SLC5A5: variants seen among roughly 807,000 people sequenced by gnomAD.
The protein encoded by SLC5A5 is sodium/iodide cotransporter.
In SLC5A5, 56 loss-of-function variants were observed where a neutral mutation model predicts 68.6. The ratio of observed to expected loss-of-function variants is 0.82; its 90% CI spans 0.66 to 1.02. The LOEUF is 1.02. SLC5A5 is among the 50% of genes least tolerant of loss of function. The pLI is 0.00. For synonymous variants in SLC5A5, 398 were observed against 373.0 expected, an observed-to-expected ratio of 1.07 and a Z score of -0.77; for missense variants, 807 against 859.8, an observed-to-expected ratio of 0.94 and a Z score of 0.77.
chr19:17,877,632 C>A, intron 5 of SLC5A5, 91 bp from the exon 6 acceptor site: 1 of 1,519,898 alleles, frequency 6.6e-7, no homozygotes. Context: ...CAAATGTCCC[C>A]TATAAGGTCC....
At chr19:17,892,691 A>AGAGAGC (rs1555755264) in intron 14 of SLC5A5, among the ~76,000 whole-genome samples, 29 of 150,106 alleles carry the variant, frequency 1.9e-4, no homozygotes, top group African/African-American at 6.0e-4. Flanking sequence ...AGAGAGAGAG[A>AGAGAGC]GAGAGAGCAA....
intron 7 of SLC5A5, among the ~76,000 whole-genome samples, chr19:17,880,171 G>T (rs1379181309): frequency 6.6e-6 from 1 of 151,404 alleles, no homozygotes; most frequent in Non-Finnish European, 1.5e-5. Context: ...AATGTGCTGG[G>T]ATTACAGGCA....
At chr19:17,876,963 G>A (rs140758261) in intron 5 of SLC5A5, among the ~76,000 whole-genome samples, 3,564 of 151,016 alleles carry the variant, frequency 0.024, 157 homozygotes, top group East Asian at 0.21. Context: ...CCCAGGAGGC[G>A]GAGGCTGCGG....
intron 1 of SLC5A5, among the ~76,000 whole-genome samples, chr19:17,873,619 G>C (rs1356747963): frequency 6.6e-6 from 1 of 152,100 alleles, no homozygotes; most frequent in Non-Finnish European, 1.5e-5. Context: ...AGCCGGGCAT[G>C]GTCGCGCGCG....
At position 17,883,710 on chromosome 19, in the gene SLC5A5, C is replaced by CG; in HGVS notation, c.1274dup (p.Leu427ProfsTer76). 1 of 1,607,620 alleles carries CG rather than the reference C, an allele frequency of 6.2e-7. No individual in the cohort carries two copies. Among genetic ancestry groups the CG allele is most frequent in the Non-Finnish European group, 8.5e-7 (1 of 1,176,640 alleles). ...CCTTCACCGTCATGGGAGTCATCAG[C>CG]GGCCCCCTGCTGGGAGCCTTCATCT... On this transcript the variant is annotated frameshift_variant, in exon 11 of 15. Coordinates refer to ENST00000222248, the MANE Select transcript of SLC5A5 (RefSeq NM_000453.3).
At position 17,892,695 on chromosome 19, in the gene SLC5A5, A is replaced by AGAGAGAGAGAGAGC. The variant is rs528009112; in HGVS notation, c.1768-1015_1768-1014insAGAGAGAGAGCGAG. Among the ~76,000 whole-genome samples the AGAGAGAGAGAGAGC allele has an allele frequency of 7.3e-4, 109 of 148,678 alleles. 3 individuals carry two copies. The East Asian group carries it at 0.014, about 20-fold the overall frequency. ...GAGAGAGAGAGAGAGAGAGAGAGAGAGAGCAAGCTAAAAAGAAAAACGTGT... is the reference window on the plus strand; with the variant it reads ...GAGAGAGAGAGAGAGAGAGAGAGAGAGAGAGAGAGAGAGCGAGCAAGCTAAAAAGAAAAACGTGT... On this transcript the variant is annotated intron_variant, in intron 14 of 14. Transcript: ENST00000222248.
rs1304830849 is a variant in SLC5A5, at chr19:17,876,036, G to T, written c.628G>T (p.Val210Phe). Reference protein sequence around the residue: ...SGFWVVLARGVMLVGGPRQVL... With the variant: ...SGFWVVLARGFMLVGGPRQVL... ...CTTCTGGGTTGTCCTGGCACGCGGTGTCATGCTTGTGGGCGGGCCCCGCCA... is the reference window on the plus strand; with the variant it reads ...CTTCTGGGTTGTCCTGGCACGCGGTTTCATGCTTGTGGGCGGGCCCCGCCA... The change falls in exon 5 of 15, where the codon GTC becomes TTC. Residue 210 changes from valine to phenylalanine, a missense_variant. By Grantham distance (50) the Val-to-Phe change is conservative. Transcript: ENST00000222248. The T allele has an allele frequency of 6.2e-7, 1 of 1,614,206 alleles. No homozygotes were observed. The highest frequency in any genetic ancestry group is 8.5e-7 in the Non-Finnish European group (1 of 1,180,048).
intron 2 of SLC5A5, 26 bp downstream of exon 2, chr19:17,874,229 G>T: frequency 6.5e-7 from 1 of 1,547,696 alleles, no homozygotes; most frequent in Non-Finnish European, 8.9e-7. Context: ...CCCGCCCTCC[G>T]CTCAGGGCCC....
At chr19:17,893,116 T>C (rs1168461105) in intron 14 of SLC5A5, among the ~76,000 whole-genome samples, 4 of 150,970 alleles carry the variant, frequency 2.6e-5, no homozygotes, top group South Asian at 2.1e-4. Flanking sequence ...TTTTCCTTTT[T>C]TTGAGATAGG....
intron 1 of SLC5A5, among the ~76,000 whole-genome samples, chr19:17,873,274 A>C (rs1220853670): frequency 6.6e-6 from 1 of 152,052 alleles, no homozygotes; most frequent in African/African-American, 2.4e-5. Flanking sequence ...CAGCCTGGCC[A>C]ACATGGCGAA....
At position 17,877,714 on chromosome 19, in the gene SLC5A5, C is replaced by T; in HGVS notation, c.699-9C>T. 6.2e-7 allele frequency: 1 copy of T among 1,613,972 alleles called. No individual in the cohort carries two copies. Among genetic ancestry groups the T allele is most frequent in the Non-Finnish European group, 8.5e-7 (1 of 1,180,010 alleles). On this transcript the variant is annotated splice_polypyrimidine_tract_variant and intron_variant, in intron 5 of 14. Transcript: ENST00000222248. ...CTCCACGTGGCTAACTTGCCCTGTC[C>T]CCACCCAGCTTTAACCCTGACCCGA...
chr19:17,893,676 G>A, intron 14 of SLC5A5, 37 bp from the exon 15 acceptor site: 2 of 1,607,458 alleles, frequency 1.2e-6, no homozygotes, highest in Non-Finnish European at 1.7e-6. Context: ...TGGGGACAGG[G>A]TCTCTGATGG....
In SLC5A5 at chr19:17,894,925, A is replaced by G. The variant is rs2030353436; in HGVS notation, c.*1048A>G. ...ATGAATCCAGTGACTGGTTCCTCATATGAAGTAGAGAAGAGATGCAGAGAA... is the reference window on the plus strand; with the variant it reads ...ATGAATCCAGTGACTGGTTCCTCATGTGAAGTAGAGAAGAGATGCAGAGAA... On this transcript the variant is annotated 3_prime_UTR_variant, in exon 15 of 15. Coordinates refer to ENST00000222248, the MANE Select transcript of SLC5A5 (RefSeq NM_000453.3). 6.6e-6 allele frequency: 1 copy of G among 152,236 alleles called. No homozygotes were observed. Among genetic ancestry groups the G allele is most frequent in the Non-Finnish European group, 1.5e-5 (1 of 68,076 alleles). 9.4% of individuals were successfully genotyped at this position (152,236 alleles called of 1,614,324 possible).
At chr19:17,888,269 A>T in intron 12 of SLC5A5, 62 bp from the exon 13 acceptor site, 1 of 1,605,608 alleles carries the variant, frequency 6.2e-7, no homozygotes, top group Non-Finnish European at 8.5e-7. Flanking sequence ...AGGTTGGAAC[A>T]GCTTTTGAGT....
At chr19:17,879,602 C>T (rs931765242) in intron 7 of SLC5A5, among the ~76,000 whole-genome samples, 1 of 152,194 alleles carries the variant, frequency 6.6e-6, no homozygotes, top group Non-Finnish European at 1.5e-5. Flanking sequence ...GCCTAGGTCA[C>T]ACCCCAAGTA....
At position 17,888,351 on chromosome 19, in the gene SLC5A5, G is replaced by A. The variant is rs145168559; in HGVS notation, c.1547G>A (p.Arg516Gln). ...RAPSSGMDAS[R>Q]PALADSFYAI... ...TGCAGCTCAGGAATGGACGCCAGCC[G>A]ACCCGCCTTAGCTGACAGCTTCTAT... The change falls in exon 13 of 15, where the codon CGA becomes CAA. Residue 516 changes from arginine (R) to glutamine (Q), a missense_variant. Physicochemically the swap from Arg to Gln is conservative, Grantham distance 43. Transcript: ENST00000222248. 67 of 1,613,788 alleles carry A rather than the reference G, an allele frequency of 4.2e-5. No homozygotes were observed. Among genetic ancestry groups the A allele is most frequent in the Middle Eastern group, 1.6e-4 (1 of 6,084 alleles).
chr19:17,879,785 C>T (rs1473070145), intron 7 of SLC5A5, among the ~76,000 whole-genome samples: 1 of 152,188 alleles, frequency 6.6e-6, no homozygotes, highest in African/African-American at 2.4e-5. Flanking sequence ...GTCCCTGCTT[C>T]ACAGGGATCC....
In SLC5A5 at chr19:17,893,245, G is replaced by A. The variant is rs534489182; in HGVS notation, c.1768-468G>A. Among the ~76,000 whole-genome samples the A allele has an allele frequency of 6.6e-5, 10 of 151,134 alleles. No individual in the cohort carries two copies. The South Asian group carries it at 2.1e-3, about 32-fold the overall frequency. ...AACCTCCTGAGTAGCTGGGATTATA[G>A]GCATGCACCACCGAGTCTGGTTAAT... On this transcript the variant is annotated intron_variant, in intron 14 of 14. Transcript: ENST00000222248.
intron 10 of SLC5A5, 111 bp from the exon 11 acceptor site, chr19:17,883,570 C>A: frequency 1.1e-6 from 1 of 879,208 alleles, no homozygotes; most frequent in Non-Finnish European, 2.0e-6. Flanking sequence ...ACAGAGGAGT[C>A]CTTGAGACCC....
Sources: gnomAD v4.1 joint callset for allele counts (sites outside exome capture counted in the v4.1 genomes callset) on GRCh38, gnomAD v4.1.1 for gene constraint, MANE v1.5 for transcripts, NCBI Gene and HGNC (gene_info 2026-07-23, HGNC 2026-07-21) for gene names.